Variants in SPATS2L observed in about 807,000 individuals in gnomAD.
The protein encoded by SPATS2L is spermatogenesis associated serine rich 2 like.
A neutral mutation model predicts 59.6 loss-of-function variants in SPATS2L; 30 were observed. The ratio of observed to expected loss-of-function variants is 0.50; its 90% confidence interval spans 0.38 to 0.68. The LOEUF (loss-of-function observed/expected upper bound fraction) is 0.68, where lower values mean the gene tolerates loss of function less well. SPATS2L is among the 30% of genes least tolerant of loss of function. SPATS2L has a pLI of 0.00. For missense variants in SPATS2L, 615 were observed against 700.0 expected, an observed-to-expected ratio of 0.88 and a Z score of 1.37; for synonymous variants, 252 against 263.5, an observed-to-expected ratio of 0.96 and a Z score of 0.42.
Position 200,481,517 on chromosome 2 carries a change from A to C in SPATS2L, c.*3486A>C, listed in dbSNP as rs1258626364. On this transcript the variant is annotated 3_prime_UTR_variant, in exon 13 of 13. Coordinates refer to ENST00000409140, the MANE Select transcript of SPATS2L (RefSeq NM_001100423.2). Reference sequence around the variant, plus strand: ...CCAGATAGGGAGATGCCTGAATTTCAGGCTACCTTTGACAAAGCTTTCTTC... The same window carrying C: ...CCAGATAGGGAGATGCCTGAATTTCCGGCTACCTTTGACAAAGCTTTCTTC... The C allele has an allele frequency of 1.3e-5, 2 of 152,260 alleles. No homozygotes were observed. The highest frequency in any genetic ancestry group is 2.9e-5 in the Non-Finnish European group (2 of 68,046). The allele number at this position is 152,260 out of a possible 1,614,324, so 9.4% of individuals were successfully genotyped here.
At chr2:200,399,161 C>G (rs138343127) in intron 3 of SPATS2L, among the ~76,000 whole-genome samples, 514 of 152,170 alleles carry the variant, frequency 3.4e-3, no homozygotes, top group African/African-American at 0.012. Flanking sequence ...AGGGACAGTG[C>G]CTCTAGAGCT....
intron 1 of SPATS2L, among the ~76,000 whole-genome samples, chr2:200,308,384 C>T (rs1309827502): frequency 1.3e-5 from 2 of 152,010 alleles, no homozygotes; most frequent in Non-Finnish European, 1.5e-5. Flanking sequence ...TATCTAGTAA[C>T]TGTCGTGTTT....
rs115470889 is a variant in SPATS2L at position 200,369,449 on chromosome 2, G to A, written c.-22-19774G>A. On this transcript the variant is annotated intron_variant, in intron 2 of 12. Transcript: ENST00000409140. ...GCTGGGATTACGGGCATGAGCCACC[G>A]TGAGGCAGGGGCCATAAAAGACCAT... 3.3e-3 allele frequency among the ~76,000 whole-genome samples: 495 copies of A among 152,168 alleles called. 3 individuals carry two copies. Among genetic ancestry groups the A allele is most frequent in the African/African-American group, 0.011 (461 of 41,512 alleles).
At chr2:200,448,221 C>G (rs1041269207) in intron 8 of SPATS2L, among the ~76,000 whole-genome samples, 2 of 152,158 alleles carry the variant, frequency 1.3e-5, no homozygotes, top group Non-Finnish European at 2.9e-5. Flanking sequence ...GTGGGTAGAT[C>G]ACTTGAGGTC....
intron 3 of SPATS2L, among the ~76,000 whole-genome samples, chr2:200,404,869 G>A (rs895694540): frequency 8.6e-5 from 13 of 151,970 alleles, no homozygotes; most frequent in African/African-American, 2.9e-4. Flanking sequence ...CTTCAAACCC[G>A]GAGAGGCTGG....
intron 6 of SPATS2L, among the ~76,000 whole-genome samples, chr2:200,431,147 A>C (rs547080798): frequency 5.3e-5 from 8 of 152,210 alleles, no homozygotes; most frequent in African/African-American, 1.9e-4. Flanking sequence ...GGGTATGAAT[A>C]GTTTTTAAGT....
intron 3 of SPATS2L, among the ~76,000 whole-genome samples, chr2:200,399,150 T>C (rs549049943): frequency 2.6e-5 from 4 of 152,330 alleles, no homozygotes; most frequent in Admixed American, 2.0e-4. Flanking sequence ...TTGTTAGTCA[T>C]AGGGACAGTG....
chr2:200,413,821 A>G (rs1177808904), intron 4 of SPATS2L, among the ~76,000 whole-genome samples: 1 of 152,232 alleles, frequency 6.6e-6, no homozygotes, highest in Admixed American at 6.5e-5. Context: ...CAGTAGACCT[A>G]TAAGCAAATC....
chr2:200,350,431 T>A (rs1322913399), intron 2 of SPATS2L, among the ~76,000 whole-genome samples: 1 of 152,206 alleles, frequency 6.6e-6, no homozygotes, highest in Non-Finnish European at 1.5e-5. Flanking sequence ...ATCAGCACAG[T>A]GTTAACCACC....
intron 6 of SPATS2L, among the ~76,000 whole-genome samples, chr2:200,421,439 G>A (rs998755137): frequency 2.6e-5 from 4 of 152,180 alleles, no homozygotes; most frequent in African/African-American, 4.8e-5. Flanking sequence ...TAGACTACCA[G>A]AAGAGATGGA....
At chr2:200,425,131 C>T (rs1574477124) in intron 6 of SPATS2L, among the ~76,000 whole-genome samples, 1 of 8,792 alleles carries the variant, frequency 1.1e-4, no homozygotes, top group Non-Finnish European at 3.5e-4. Context: ...TCCCCCCGCC[C>T]CCCCCCCCCC....
At chr2:200,459,025 G>A (rs2086054489) in intron 8 of SPATS2L, among the ~76,000 whole-genome samples, 2 of 152,144 alleles carry the variant, frequency 1.3e-5, no homozygotes. Flanking sequence ...ATAAAAATCT[G>A]TAAAAGGACA....
At chr2:200,463,735 A>G (rs947952099) in intron 9 of SPATS2L, among the ~76,000 whole-genome samples, 1 of 152,258 alleles carries the variant, frequency 6.6e-6, no homozygotes, top group African/African-American at 2.4e-5. Flanking sequence ...ATTACTTTGT[A>G]AATTCATAGT....
intron 1 of SPATS2L, among the ~76,000 whole-genome samples, chr2:200,323,930 G>A (rs2079646015): frequency 6.6e-6 from 1 of 152,160 alleles, no homozygotes; most frequent in Non-Finnish European, 1.5e-5. Context: ...AAAGGGAACG[G>A]GAATTTGGGA....
chr2:200,455,385 G>T (rs1444305725), intron 8 of SPATS2L, among the ~76,000 whole-genome samples: 1 of 152,208 alleles, frequency 6.6e-6, no homozygotes, highest in Non-Finnish European at 1.5e-5. Flanking sequence ...TGTCTTCAAG[G>T]TAGAGGGAAG....
intron 2 of SPATS2L, among the ~76,000 whole-genome samples, chr2:200,357,485 A>G (rs1035980023): frequency 6.6e-6 from 1 of 152,192 alleles, no homozygotes. Context: ...AAGACCATTG[A>G]TTTCTGCCTT....
intron 8 of SPATS2L, among the ~76,000 whole-genome samples, chr2:200,453,192 A>G (rs79074581): frequency 1.3e-5 from 2 of 152,216 alleles, no homozygotes; most frequent in South Asian, 4.1e-4. Flanking sequence ...GACACCAGTA[A>G]CCAGCATAGA....
In SPATS2L at chr2:200,326,902, T is replaced by C. The variant is rs368267779; in HGVS notation, c.-72-2529T>C. 4.6e-4 allele frequency among the ~76,000 whole-genome samples: 14 copies of C among 30,214 alleles called. No individual in the cohort carries two copies. In the South Asian group the frequency reaches 0.018, roughly 38 times the overall value. The allele number at this position is 30,214 out of a possible 152,430, so 19.8% of individuals were successfully genotyped here. On this transcript the variant is annotated intron_variant, in intron 1 of 12. Transcript: ENST00000409140. ...GGCGTGTGCCACCATGCCCGGCTAATTTTTTTTTTTTTTTTTTTTTTTTTA... is the reference window on the plus strand; with the variant it reads ...GGCGTGTGCCACCATGCCCGGCTAACTTTTTTTTTTTTTTTTTTTTTTTTA...
chr2:200,406,862 C>T (rs1323673766), intron 3 of SPATS2L, among the ~76,000 whole-genome samples: 1 of 152,130 alleles, frequency 6.6e-6, no homozygotes, highest in Admixed American at 6.5e-5. Flanking sequence ...GGGGTAAAAC[C>T]ATGTTAACCA....
Sources: allele counts gnomAD v4.1 joint callset (sites outside exome capture counted in the v4.1 genomes callset), GRCh38; gene constraint gnomAD v4.1.1; transcripts MANE v1.5; gene names NCBI Gene and HGNC (gene_info 2026-07-23, HGNC 2026-07-21).